ZDHHC5: variants seen among roughly 807,000 people sequenced by gnomAD.
ZDHHC5 encodes the protein palmitoyltransferase ZDHHC5.
In ZDHHC5, 22 loss-of-function variants were observed where a neutral mutation model predicts 70.0. The ratio of observed to expected loss-of-function variants is 0.31; its 90% confidence interval spans 0.22 to 0.45. The LOEUF (loss-of-function observed/expected upper bound fraction) is 0.45. Ranked by LOEUF, ZDHHC5 falls within the 20% of genes least tolerant of loss-of-function variation. ZDHHC5 has a pLI of 1.00. For missense variants in ZDHHC5, 746 were observed against 926.9 expected (o/e 0.80, Z 2.53); for synonymous variants, 313 against 347.8 (o/e 0.90, Z 1.11).
intron 11 of ZDHHC5, 145 bp downstream of exon 11, chr11:57,699,563 C>G (rs11604333): frequency 0.3 from 372,478 of 1,252,882 alleles, 59,225 homozygotes; most frequent in Non-Finnish European, 0.32. Context: ...TTGACTCTAC[C>G]TGCCTTCATG....
intron 7 of ZDHHC5, 144 bp downstream of exon 7, chr11:57,692,846 A>C (rs1191586964): frequency 2.6e-6 from 2 of 772,090 alleles, no homozygotes; most frequent in Non-Finnish European, 4.1e-6. Context: ...TCTATCTTAG[A>C]ATGGTAAGTA....
In ZDHHC5 at chr11:57,672,500, A is replaced by C; in HGVS notation, c.-591A>C. On this transcript the variant is annotated 5_prime_UTR_variant, in exon 2 of 12. Coordinates refer to ENST00000287169, the MANE Select transcript of ZDHHC5 (RefSeq NM_015457.3). ...ACCTAAAAGAGACAAAGACTGCAGT[A>C]AACAAAGCTCCTCTTTAAAGTTGGA... is the stretch of plus-strand genomic sequence containing the variant. 1 of 353,626 alleles carries C rather than the reference A, an allele frequency of 2.8e-6. No homozygotes were observed. The highest frequency in any genetic ancestry group is 5.0e-6 in the Non-Finnish European group (1 of 198,528). The allele number at this position is 353,626 out of a possible 1,614,324, so 21.9% of individuals were successfully genotyped here.
intron 2 of ZDHHC5, among the ~76,000 whole-genome samples, chr11:57,676,472 G>A (rs1946072194): frequency 6.6e-6 from 1 of 152,084 alleles, no homozygotes; most frequent in Non-Finnish European, 1.5e-5. Context: ...TTTTTGACTG[G>A]CAGAGGGGCA....
chr11:57,688,698 T>A lies in ZDHHC5; in HGVS notation c.384+33T>A, dbSNP rs767005577. 1.9e-6 allele frequency: 3 copies of A among 1,548,164 alleles called. No homozygotes were observed. The East Asian group carries it at 7.0e-5, about 36-fold the overall frequency. On this transcript the variant is annotated intron_variant, in intron 4 of 11. Coordinates refer to ENST00000287169, the MANE Select transcript of ZDHHC5 (RefSeq NM_015457.3). Reference sequence around the variant, plus strand: ...CCCTGGGTGGGGTAAGACTTCATGCTTAACCTTCATTGTCTTCATCCTAAC... The same window carrying A: ...CCCTGGGTGGGGTAAGACTTCATGCATAACCTTCATTGTCTTCATCCTAAC...
intron 3 of ZDHHC5, 40 bp from the exon 4 acceptor site, chr11:57,688,468 T>C: frequency 6.6e-7 from 1 of 1,507,338 alleles, no homozygotes; most frequent in Non-Finnish European, 8.9e-7. Flanking sequence ...TTACTACAGT[T>C]CTGGCATAGT....
chr11:57,680,526 C>T (rs1205216659), intron 2 of ZDHHC5, among the ~76,000 whole-genome samples: 1 of 152,176 alleles, frequency 6.6e-6, no homozygotes, highest in Non-Finnish European at 1.5e-5. Context: ...CCACAGTGGC[C>T]AGTTGTAGGA....
At chr11:57,679,659 T>G (rs1459137239) in intron 2 of ZDHHC5, among the ~76,000 whole-genome samples, 1 of 152,172 alleles carries the variant, frequency 6.6e-6, no homozygotes, top group East Asian at 1.9e-4. Flanking sequence ...ACATCTCCTG[T>G]TCTGAGCTCT....
rs1945973204 is a variant in ZDHHC5 at position 57,669,423 on chromosome 11, G to T, written c.-1071+1236G>T. The stretch of plus-strand genomic sequence containing the variant: ...TACATATACATATTTCCATTTCATA[G>T]TTTACTCTGTGCCTCAATATGGCAT... On this transcript the variant is annotated intron_variant, in intron 1 of 11. Transcript: ENST00000287169. Among the ~76,000 whole-genome samples the T allele has an allele frequency of 2.0e-5, 3 of 152,100 alleles. 1 individual carries two copies. The South Asian group carries it at 6.2e-4, about 31-fold the overall frequency.
At chr11:57,689,072 A>G (rs1199611748) in intron 4 of ZDHHC5, among the ~76,000 whole-genome samples, 1 of 152,104 alleles carries the variant, frequency 6.6e-6, no homozygotes, top group Non-Finnish European at 1.5e-5. Context: ...TTATAGTTCT[A>G]GCCTTCTATC....
chr11:57,672,363 G>A lies in ZDHHC5; in HGVS notation c.-728G>A, dbSNP rs1013280125. 2 of 396,386 alleles carry A rather than the reference G, an allele frequency of 5.0e-6. No individual in the cohort carries two copies. The highest frequency in any genetic ancestry group is 4.1e-5 in the African/African-American group (2 of 48,612). 24.6% of individuals were successfully genotyped at this position (396,386 alleles called of 1,614,324 possible). The stretch of plus-strand genomic sequence containing the variant: ...GAAAAGGATTTACAGCTCAAACTTA[G>A]AACAGCTGTTGTCCAGCTTTAGCCA... On this transcript the variant is annotated 5_prime_UTR_variant, in exon 2 of 12. An upstream open reading frame in the 5' UTR loses its in-frame stop. Coordinates refer to ENST00000287169, the MANE Select transcript of ZDHHC5 (RefSeq NM_015457.3).
intron 8 of ZDHHC5, among the ~76,000 whole-genome samples, chr11:57,695,060 C>T (rs544671012): frequency 1.3e-5 from 2 of 151,948 alleles, no homozygotes; most frequent in Non-Finnish European, 2.9e-5. Context: ...GTTGGGAGCT[C>T]GAGACCAGCC....
intron 7 of ZDHHC5, 146 bp from the exon 8 acceptor site, chr11:57,693,637 T>G: frequency 7.9e-7 from 1 of 1,260,220 alleles, no homozygotes; most frequent in Non-Finnish European, 1.1e-6. Context: ...CAATTCTGTT[T>G]ATTGCTAAGT....
At chr11:57,694,266 A>C (rs1946322208) in intron 8 of ZDHHC5, among the ~76,000 whole-genome samples, 1 of 152,148 alleles carries the variant, frequency 6.6e-6, no homozygotes, top group Non-Finnish European at 1.5e-5. Context: ...TGCTAGGATT[A>C]CAAGCATGAG....
chr11:57,693,696 G>C (rs900688970), intron 7 of ZDHHC5, 87 bp from the exon 8 acceptor site: 5 of 1,437,762 alleles, frequency 3.5e-6, no homozygotes, highest in Non-Finnish European at 3.7e-6. Flanking sequence ...TAATAAAAAT[G>C]GTTTACAGAA....
Position 57,670,364 on chromosome 11 carries a change from G to C in ZDHHC5, c.-1070-1657G>C, listed in dbSNP as rs1313360. On this transcript the variant is annotated intron_variant, in intron 1 of 11. Transcript: ENST00000287169. ...TGCCCTCCTGTAATCCCAGCTGCTC[G>C]GGAGGCTGAGACAGGAGAATTGCTT... 3.3e-5 allele frequency among the ~76,000 whole-genome samples: 5 copies of C among 151,894 alleles called. No individual in the cohort carries two copies. In the East Asian group the frequency reaches 5.8e-4, roughly 18 times the overall value.
At chr11:57,695,566 T>C (rs1946339770) in intron 8 of ZDHHC5, among the ~76,000 whole-genome samples, 2 of 152,144 alleles carry the variant, frequency 1.3e-5, no homozygotes, top group South Asian at 2.1e-4. Flanking sequence ...TGGGGTGATA[T>C]TGCTTGAGGC....
intron 10 of ZDHHC5, 147 bp from the exon 11 acceptor site, chr11:57,698,412 T>C: frequency 8.6e-7 from 1 of 1,156,070 alleles, no homozygotes; most frequent in Non-Finnish European, 1.2e-6. Flanking sequence ...ATTCAGTTTT[T>C]CTTGAGGGAT....
At chr11:57,689,891 G>C in intron 4 of ZDHHC5, 140 bp from the exon 5 acceptor site, 1 of 1,173,112 alleles carries the variant, frequency 8.5e-7, no homozygotes, top group Non-Finnish European at 1.2e-6. Context: ...CAGATTTATA[G>C]AGCAAAATAA....
intron 2 of ZDHHC5, among the ~76,000 whole-genome samples, chr11:57,675,600 T>A (rs1946061822): frequency 6.6e-6 from 1 of 152,218 alleles, no homozygotes; most frequent in Admixed American, 6.5e-5. Context: ...TCCTTCCCCC[T>A]GGCGCTAGTT....
Sources: gnomAD v4.1 joint callset for allele counts (sites outside exome capture counted in the v4.1 genomes callset) on GRCh38, gnomAD v4.1.1 for gene constraint, MANE v1.5 for transcripts, NCBI Gene and HGNC (gene_info 2026-07-23, HGNC 2026-07-21) for gene names.